The following UBE2K variants were observed in gnomAD, a reference collection of about 807,000 sequenced individuals.
UBE2K encodes ubiquitin conjugating enzyme E2 K.
Under a neutral mutation model 30.0 loss-of-function variants are expected in UBE2K, and 6 were observed. That is an observed-to-expected ratio of 0.20 (90% CI 0.11 to 0.39). The LOEUF is 0.39. UBE2K is among the 10% of genes least tolerant of loss of function. The pLI is 1.00. For missense variants in UBE2K, 61 were observed against 241.6 expected, an observed-to-expected ratio of 0.25 and a Z score of 4.96; for synonymous variants, 86 against 83.7, an observed-to-expected ratio of 1.03 and a Z score of -0.15.
chr4:39,728,011 G>A (rs1719850839), intron 1 of UBE2K, among the ~76,000 whole-genome samples: 1 of 152,032 alleles, frequency 6.6e-6, no homozygotes, highest in South Asian at 2.1e-4. Context: ...CTGTGCGCCT[G>A]TAGTCCCAGC....
chr4:39,718,240 A>G (rs1286432885), intron 1 of UBE2K, among the ~76,000 whole-genome samples: 1 of 152,200 alleles, frequency 6.6e-6, no homozygotes, highest in Non-Finnish European at 1.5e-5. Flanking sequence ...TCCCTGAGCT[A>G]GACACAAAAG....
At chr4:39,732,439 T>C (rs1486576284) in intron 1 of UBE2K, among the ~76,000 whole-genome samples, 2 of 152,230 alleles carry the variant, frequency 1.3e-5, no homozygotes, top group African/African-American at 4.8e-5. Flanking sequence ...CTAGTCATTA[T>C]TTGAAAGAAT....
chr4:39,741,391 A>G (rs752613417), intron 2 of UBE2K, among the ~76,000 whole-genome samples: 6 of 152,232 alleles, frequency 3.9e-5, no homozygotes, highest in Non-Finnish European at 2.9e-5. Context: ...TATTTTATAT[A>G]AAACTATTGA....
intron 1 of UBE2K, among the ~76,000 whole-genome samples, chr4:39,724,414 T>C (rs759420455): frequency 3.3e-5 from 5 of 151,758 alleles, no homozygotes; most frequent in Non-Finnish European, 7.4e-5. Flanking sequence ...CCAAACTGTA[T>C]TTTTTTGTCT....
chr4:39,740,195 G>A (rs1720617176), intron 2 of UBE2K, among the ~76,000 whole-genome samples: 1 of 151,850 alleles, frequency 6.6e-6, no homozygotes, highest in Admixed American at 6.6e-5. Context: ...AGGTTGTTTT[G>A]AAGTATTTTT....
At chr4:39,739,751 AT>A (rs1392815716) in intron 2 of UBE2K, among the ~76,000 whole-genome samples, 11 of 151,956 alleles carry the variant, frequency 7.2e-5, no homozygotes, top group Non-Finnish European at 1.3e-4. Context: ...CACCCAGCCC[AT>A]TTTTTTCTTT....
Position 39,698,251 on chromosome 4 carries a change from G to A in UBE2K, c.-77G>A. ...TGAATCGCCGAGGGAGGAGGCGGTG[G>A]AGGAAGAGGTGGCGGCGGTGGCGGT... On this transcript the variant is annotated 5_prime_UTR_variant, in exon 1 of 7. Transcript: ENST00000261427. The A allele has an allele frequency of 7.1e-7, 1 of 1,412,416 alleles. No individual in the cohort carries two copies. The highest frequency in any genetic ancestry group is 9.9e-7 in the Non-Finnish European group (1 of 1,012,732). 87.5% of individuals were successfully genotyped at this position (1,412,416 alleles called of 1,614,324 possible). A position where few individuals can be genotyped will look rare whatever the true frequency, so the allele number is the denominator to read the frequency against.
intron 4 of UBE2K, among the ~76,000 whole-genome samples, chr4:39,765,993 A>G (rs1052834502): frequency 6.6e-6 from 1 of 152,186 alleles, no homozygotes; most frequent in Admixed American, 6.5e-5. Flanking sequence ...TTGTTGATCC[A>G]TTCATCCATC....
chr4:39,765,956 C>T (rs62310127), intron 4 of UBE2K, among the ~76,000 whole-genome samples: 78,249 of 152,018 alleles, frequency 0.51, 20,798 homozygotes, highest in East Asian at 0.64. Context: ...CACACATACA[C>T]ATACACATAC....
At chr4:39,771,426 C>G in intron 4 of UBE2K, 4 of 1,600,196 alleles carry the variant, frequency 2.5e-6, no homozygotes, top group Non-Finnish European at 3.4e-6. Flanking sequence ...GGACTTCACC[C>G]CAGAGGCCAT....
chr4:39,722,273 C>T (rs187359793), intron 1 of UBE2K, among the ~76,000 whole-genome samples: 37 of 151,922 alleles, frequency 2.4e-4, no homozygotes, highest in African/African-American at 8.9e-4. Flanking sequence ...TCTGTGATTC[C>T]TAGTTTAGGT....
At chr4:39,738,323 C>T (rs981345009) in intron 2 of UBE2K, among the ~76,000 whole-genome samples, 19 of 152,120 alleles carry the variant, frequency 1.2e-4, no homozygotes, top group African/African-American at 4.1e-4. Context: ...GTAAATACAA[C>T]GATTGCTGTT....
chr4:39,698,763 G>C (rs565428419), intron 1 of UBE2K, among the ~76,000 whole-genome samples: 2 of 152,342 alleles, frequency 1.3e-5, no homozygotes, highest in Non-Finnish European at 2.9e-5. Flanking sequence ...TGGGTTGGGG[G>C]AAGGGGAAAG....
intron 2 of UBE2K, among the ~76,000 whole-genome samples, chr4:39,740,155 G>T (rs1720614470): frequency 6.6e-6 from 1 of 151,946 alleles, no homozygotes; most frequent in Admixed American, 6.6e-5. Context: ...CTTGAAGTCA[G>T]ACCTTATAGT....
At chr4:39,724,697 G>A (rs1438205960) in intron 1 of UBE2K, among the ~76,000 whole-genome samples, 1 of 151,586 alleles carries the variant, frequency 6.6e-6, no homozygotes, top group Non-Finnish European at 1.5e-5. Flanking sequence ...TTTAGCCCCG[G>A]AGGCAAAAGT....
intron 1 of UBE2K, among the ~76,000 whole-genome samples, chr4:39,724,527 G>A (rs769760711): frequency 1.5e-4 from 21 of 138,288 alleles, no homozygotes; most frequent in Non-Finnish European, 2.9e-4. Context: ...CAGGTGGATT[G>A]CCTGAGTTCA....
At chr4:39,760,238 C>G (rs1711834943) in intron 4 of UBE2K, among the ~76,000 whole-genome samples, 2 of 149,466 alleles carry the variant, frequency 1.3e-5, no homozygotes, top group African/African-American at 4.9e-5. Context: ...CCACTTAAAG[C>G]CAGTAATATC....
chr4:39,750,208 C>CA (rs572271899), intron 3 of UBE2K, among the ~76,000 whole-genome samples: 5 of 151,474 alleles, frequency 3.3e-5, no homozygotes, highest in South Asian at 4.2e-4. Flanking sequence ...AAAACAAAAA[C>CA]AAAAAAAAGC....
At position 39,724,113 on chromosome 4, in the gene UBE2K, CT is replaced by C. The variant is rs1375202018; in HGVS notation, c.64-13301del. On this transcript the variant is annotated intron_variant, in intron 1 of 6. Transcript: ENST00000261427. ...CAGGCATGAGCCACCATGCCCAGTC[CT>C]TTTTTAATTTTTTTTTTTTTTTTAA... Among the ~76,000 whole-genome samples the C allele has an allele frequency of 6.4e-4, 75 of 116,870 alleles. 1 individual carries two copies. In the Admixed American group the frequency reaches 7.6e-3, roughly 12 times the overall value. The allele number at this position is 116,870 out of a possible 152,430, so 76.7% of individuals were successfully genotyped here. A position where few individuals can be genotyped will look rare whatever the true frequency, so the allele number is the denominator to read the frequency against.
Sources: gnomAD v4.1 joint callset for allele counts (sites outside exome capture counted in the v4.1 genomes callset) on GRCh38, gnomAD v4.1.1 for gene constraint, MANE v1.5 for transcripts, NCBI Gene and HGNC (gene_info 2026-07-23, HGNC 2026-07-21) for gene names.